SYTL2: variants seen among roughly 807,000 people sequenced by gnomAD.
The protein encoded by SYTL2 is synaptotagmin like 2.
A neutral mutation model predicts 198.7 loss-of-function variants in SYTL2; 165 were observed. The observed-to-expected ratio is 0.83, with a 90% CI of 0.73 to 0.94. The LOEUF is 0.94. Ranked by LOEUF, SYTL2 falls within the 40% of genes least tolerant of loss-of-function variation. The pLI, the probability that SYTL2 is intolerant of heterozygous loss-of-function variation, is 0.00. For missense variants in SYTL2, 2,835 were observed against 2,582.8 expected (o/e 1.10, Z -2.12); for synonymous variants, 966 against 917.7 (o/e 1.05, Z -0.95).
chr11:85,792,453 C>T (rs543971577), intron 1 of SYTL2, among the ~76,000 whole-genome samples: 1 of 152,050 alleles, frequency 6.6e-6, no homozygotes, highest in Non-Finnish European at 1.5e-5. Context: ...GAATGGGGGA[C>T]CTATGAAATG....
At position 85,725,634 on chromosome 11, in the gene SYTL2, T is replaced by TA; in HGVS notation, c.3723dup (p.Lys1242Ter). On this transcript the variant is annotated frameshift_variant, in exon 8 of 20. Transcript: ENST00000359152. LOFTEE classifies it high-confidence loss of function. ...CCAAAAAATCTCCCCTCTTCCAGCT[T>TA]AGAGTTGGTTCCAGTGATAACAGGC... The TA allele has an allele frequency of 6.2e-7, 1 of 1,614,144 alleles. No homozygotes were observed. Among genetic ancestry groups the TA allele is most frequent in the Non-Finnish European group, 8.5e-7 (1 of 1,180,016 alleles).
In SYTL2 at chr11:85,725,383, G is replaced by A. The variant is rs776992589; in HGVS notation, c.3975C>T (p.Ala1325=). Residue 1325 remains alanine, a synonymous_variant, in exon 8 of 20, where the codon GCC becomes GCT. Transcript: ENST00000359152. Reference sequence around the variant, plus strand: ...GAAAAAGCATATCTTGGGGAGGGCTGGCCACATCCCCAAAAGAACCCTTTC... The same window carrying A: ...GAAAAAGCATATCTTGGGGAGGGCTAGCCACATCCCCAAAAGAACCCTTTC... ...LSRKGSFGDV[A]SPPQDMLFPQ... 2 of 1,613,774 alleles carry A rather than the reference G, an allele frequency of 1.2e-6. No homozygotes were observed. The highest frequency in any genetic ancestry group is 1.3e-5 in the African/African-American group (1 of 74,904).
intron 13 of SYTL2, among the ~76,000 whole-genome samples, chr11:85,710,152 G>A (rs544873095): frequency 2.7e-4 from 41 of 152,244 alleles, no homozygotes; most frequent in African/African-American, 9.9e-4. Flanking sequence ...AAGAAGATGT[G>A]AGAAAACCCA....
chr11:85,794,853 G>A (rs948306532), intron 1 of SYTL2, among the ~76,000 whole-genome samples: 1 of 152,048 alleles, frequency 6.6e-6, no homozygotes, highest in African/African-American at 2.4e-5. Flanking sequence ...AGGAATTCAT[G>A]GAAAGTAGAT....
chr11:85,809,231 G>A (rs553066279), intron 1 of SYTL2, among the ~76,000 whole-genome samples: 1 of 152,326 alleles, frequency 6.6e-6, no homozygotes, highest in South Asian at 2.1e-4. Flanking sequence ...AGGGCTAACG[G>A]GTCAGATGTG....
chr11:85,725,473 T>TG lies in SYTL2; in HGVS notation c.3884dup (p.Gln1296ThrfsTer49). 3.7e-6 allele frequency: 6 copies of TG among 1,614,114 alleles called. No homozygotes were observed. Among genetic ancestry groups the TG allele is most frequent in the Non-Finnish European group, 5.1e-6 (6 of 1,179,968 alleles). On this transcript the variant is annotated frameshift_variant, in exon 8 of 20. Transcript: ENST00000359152. LOFTEE classifies it high-confidence loss of function. ...CTGCAGCCATCTGAATCAAATTCTG[T>TG]GTGCTTAGCTGGCACTCACCACTTT...
At chr11:85,736,385 C>T in intron 6 of SYTL2, 116 bp downstream of exon 6, 1 of 603,578 alleles carries the variant, frequency 1.7e-6, no homozygotes. Context: ...ATAAGAAAAC[C>T]ATCAGGACTT....
At chr11:85,744,652 C>T (rs1024781292) in intron 4 of SYTL2, among the ~76,000 whole-genome samples, 4 of 152,184 alleles carry the variant, frequency 2.6e-5, no homozygotes, top group Non-Finnish European at 4.4e-5. Context: ...ATAAACTATG[C>T]TAGAAATATC....
intron 14 of SYTL2, among the ~76,000 whole-genome samples, chr11:85,709,023 A>G (rs1262741037): frequency 6.6e-6 from 1 of 151,598 alleles, no homozygotes. Flanking sequence ...TATTTTTAGT[A>G]GAGATGGGGT....
chr11:85,807,482 GGTAA>G (rs1479813149), intron 1 of SYTL2, among the ~76,000 whole-genome samples: 1 of 152,164 alleles, frequency 6.6e-6, no homozygotes, highest in Non-Finnish European at 1.5e-5. Flanking sequence ...TAGTGATTCT[GGTAA>G]GTGAGGATAG....
chr11:85,708,964 G>A (rs1294448482), intron 14 of SYTL2, among the ~76,000 whole-genome samples: 3 of 139,748 alleles, frequency 2.1e-5, no homozygotes, highest in Non-Finnish European at 3.0e-5. Context: ...TCAGCCTCCC[G>A]AGTAGCTGGG....
intron 6 of SYTL2, among the ~76,000 whole-genome samples, chr11:85,735,293 A>G (rs192523291): frequency 3.3e-5 from 5 of 152,212 alleles, no homozygotes; most frequent in Non-Finnish European, 7.3e-5. Flanking sequence ...GTTTGTGATT[A>G]TTTTACACCC....
chr11:85,773,271 A>G (rs1287692021), intron 1 of SYTL2, among the ~76,000 whole-genome samples: 2 of 100,946 alleles, frequency 2.0e-5, no homozygotes, highest in Non-Finnish European at 4.4e-5. Context: ...ACTCAGCGTT[A>G]CATTAGCCCC....
chr11:85,854,196 A>G, the SYTL2 span: 1 of 152,160 alleles, frequency 6.6e-6, no homozygotes, highest in Non-Finnish European at 1.5e-5. Context: ...AACACCTGCA[A>G]TTCATTAAAA....
chr11:85,700,691 G>A, intron 16 of SYTL2, 98 bp from the exon 17 acceptor site: 1 of 894,278 alleles, frequency 1.1e-6, no homozygotes, highest in Non-Finnish European at 1.9e-6. Flanking sequence ...CCATTTCTGG[G>A]ACCATGTGTC....
the SYTL2 span, among the ~76,000 whole-genome samples, chr11:85,816,495 G>C: frequency 1.1e-4 from 16 of 152,320 alleles, no homozygotes; most frequent in East Asian, 3.1e-3. Flanking sequence ...AGGTAATAGG[G>C]AGTTACTGTT....
In SYTL2 at chr11:85,760,351, T is replaced by C. The variant is rs188383016; in HGVS notation, c.-389-2237A>G. Among the ~76,000 whole-genome samples the C allele has an allele frequency of 1.1e-4, 16 of 152,346 alleles. 1 individual carries two copies. The East Asian group carries it at 3.1e-3, about 29-fold the overall frequency. ...GGAACCTGCTAATACAAACACTTTC[T>C]CCTCCAAATACACATCCACTGCTGT... On this transcript the variant is annotated intron_variant, in intron 1 of 19. Transcript: ENST00000359152.
At position 85,694,526 on chromosome 11, in the gene SYTL2, T is replaced by C. The variant is rs1364166947; in HGVS notation, c.*669A>G. ...TACAGGCTTGAGACCTATTTTAGAA[T>C]TAAGTCAAAACAAGCCAACAACTGA... On this transcript the variant is annotated 3_prime_UTR_variant, in exon 20 of 20. Transcript: ENST00000359152. 2 of 152,202 alleles carry C rather than the reference T, an allele frequency of 1.3e-5. No homozygotes were observed. The highest frequency in any genetic ancestry group is 4.8e-5 in the African/African-American group (2 of 41,464). 9.4% of individuals were successfully genotyped at this position (152,202 alleles called of 1,614,324 possible).
Position 85,724,054 on chromosome 11 carries a change from T to C in SYTL2, c.5304A>G (p.Ala1768=). The C allele has an allele frequency of 4.6e-6, 7 of 1,505,736 alleles. No homozygotes were observed. The highest frequency in any genetic ancestry group is 1.5e-5 in the South Asian group (1 of 68,804). The allele number at this position is 1,505,736 out of a possible 1,614,324, so 93.3% of individuals were successfully genotyped here. The change falls in exon 8 of 20, where the codon GCA becomes GCG. Residue 1768 remains alanine (A), a synonymous_variant. Transcript: ENST00000359152. ...CACTGGAAGGATTTCTCCAGCTCTC[T>C]GCATTAGAACTGGTGTTTCCATCTG... ...DFSDGNTSSN[A]ESWRNPSSSE...
Sources: gnomAD v4.1 joint callset for allele counts (sites outside exome capture counted in the v4.1 genomes callset) on GRCh38, gnomAD v4.1.1 for gene constraint, MANE v1.5 for transcripts, NCBI Gene and HGNC (gene_info 2026-07-23, HGNC 2026-07-21) for gene names.